The following CLASP1 variants were observed in gnomAD, a reference collection of about 807,000 sequenced individuals.
CLASP1 encodes CLIP-associating protein 1.
Under a neutral mutation model 192.3 loss-of-function variants are expected in CLASP1, and 38 were observed. That is an observed-to-expected ratio of 0.20 (90% CI 0.15 to 0.26). The LOEUF (loss-of-function observed/expected upper bound fraction) is 0.26, where lower values mean the gene tolerates loss of function less well. CLASP1 is among the 10% of genes least tolerant of loss of function. The pLI is 1.00. For missense variants in CLASP1, 1,433 were observed against 1,932.5 expected (o/e 0.74, Z 4.85); for synonymous variants, 691 against 712.8 (o/e 0.97, Z 0.49).
At chr2:121,595,502 T>C (rs1292994953) in intron 2 of CLASP1, among the ~76,000 whole-genome samples, 3 of 152,270 alleles carry the variant, frequency 2.0e-5, no homozygotes, top group African/African-American at 7.2e-5. Flanking sequence ...TTCTGTTGCA[T>C]GTATCCTTAT....
Position 121,435,570 on chromosome 2 carries a change from G to A in CLASP1, c.1913-5393C>T, listed in dbSNP as rs554861943. Among the ~76,000 whole-genome samples the A allele has an allele frequency of 2.6e-5, 4 of 152,186 alleles. No individual in the cohort carries two copies. In the East Asian group the frequency reaches 5.8e-4, roughly 22 times the overall value. ...ATTACAGGCGTGAGCCACCATGCCC[G>A]CCCTATTTTTACCTTTTTATATGCA... On this transcript the variant is annotated intron_variant, in intron 19 of 39. Transcript: ENST00000263710.
intron 2 of CLASP1, among the ~76,000 whole-genome samples, chr2:121,593,147 C>T (rs1427725841): frequency 6.6e-6 from 1 of 152,166 alleles, no homozygotes. Flanking sequence ...TCGTGTGCCT[C>T]CCGATGTGAG....
intron 9 of CLASP1, among the ~76,000 whole-genome samples, chr2:121,468,885 C>G (rs1376623478): frequency 6.6e-6 from 1 of 152,134 alleles, no homozygotes. Flanking sequence ...TAGTTCTGAG[C>G]CCTTGCTGGA....
chr2:121,531,031 T>A lies in CLASP1; in HGVS notation c.196-706A>T, dbSNP rs532435169. 3.4e-5 allele frequency: 24 copies of A among 699,970 alleles called. No individual in the cohort carries two copies. In the Middle Eastern group the frequency reaches 3.6e-3, roughly 106 times the overall value. 43.4% of individuals were successfully genotyped at this position (699,970 alleles called of 1,614,324 possible). A position where few individuals can be genotyped will look rare whatever the true frequency, so the allele number is the denominator to read the frequency against. On this transcript the variant is annotated intron_variant, in intron 2 of 39. Transcript: ENST00000263710. ...AAATGAAAACCTGTTTTCATAGACT[T>A]ATCAGTTCAAACAGCAGTAATTCGT...
At chr2:121,482,647 C>T (rs563910309) in intron 8 of CLASP1, among the ~76,000 whole-genome samples, 1 of 152,266 alleles carries the variant, frequency 6.6e-6, no homozygotes, top group South Asian at 2.1e-4. Context: ...TGGGGATAAA[C>T]TATCCTTCCT....
intron 39 of CLASP1, among the ~76,000 whole-genome samples, chr2:121,344,286 C>T (rs1157323499): frequency 6.6e-6 from 1 of 151,992 alleles, no homozygotes; most frequent in Admixed American, 6.6e-5. Flanking sequence ...CAGACCTCTT[C>T]GTACAGAAGA....
chr2:121,454,183 C>T (rs1174913376), intron 14 of CLASP1, among the ~76,000 whole-genome samples: 1 of 134,776 alleles, frequency 7.4e-6, no homozygotes, highest in East Asian at 2.6e-4. Context: ...ATGCTGAAGT[C>T]CTTACTCTCA....
chr2:121,346,787 C>T (rs914431285), intron 39 of CLASP1, among the ~76,000 whole-genome samples: 2 of 152,222 alleles, frequency 1.3e-5, no homozygotes, highest in Admixed American at 1.3e-4. Context: ...TGGAAATAAA[C>T]CAGCAGCTCA....
intron 2 of CLASP1, among the ~76,000 whole-genome samples, chr2:121,574,634 C>G (rs186269052): frequency 2.5e-5 from 2 of 79,030 alleles, no homozygotes; most frequent in African/African-American, 4.3e-5. Context: ...GACTCCATAT[C>G]AAAAAAAAAA....
intron 24 of CLASP1, among the ~76,000 whole-genome samples, chr2:121,408,700 A>G (rs1004481584): frequency 6.6e-6 from 1 of 152,236 alleles, no homozygotes; most frequent in Non-Finnish European, 1.5e-5. Context: ...GATTCCTAAA[A>G]TAAGAAAAAT....
At chr2:121,559,653 A>G (rs2058902668) in intron 2 of CLASP1, among the ~76,000 whole-genome samples, 1 of 152,136 alleles carries the variant, frequency 6.6e-6, no homozygotes, top group South Asian at 2.1e-4. Context: ...AAATCCAAAG[A>G]CAGCAAGTTG....
Position 121,569,552 on chromosome 2 carries a change from ATG to A in CLASP1, c.195+36147_195+36148del, listed in dbSNP as rs537385794. ...GACAAGTGATAGAACCCAATTTATG[ATG>A]TTAAAAGATTTCTTACGGCCGGACG... On this transcript the variant is annotated intron_variant, in intron 2 of 39. Coordinates refer to ENST00000263710, the Ensembl canonical transcript of CLASP1. Among the ~76,000 whole-genome samples the A allele has an allele frequency of 1.5e-4, 23 of 152,304 alleles. No homozygotes were observed. In the South Asian group the frequency reaches 4.8e-3, roughly 32 times the overall value.
At chr2:121,629,605 AC>A (rs1277482086) in intron 1 of CLASP1, among the ~76,000 whole-genome samples, 1 of 151,690 alleles carries the variant, frequency 6.6e-6, no homozygotes, top group Non-Finnish European at 1.5e-5. Flanking sequence ...AGCCTGGCCA[AC>A]ATGGTGAAAC....
At chr2:121,407,546 G>A in exon 25 of CLASP1, 4 of 1,613,976 alleles carry the variant, frequency 2.5e-6, no homozygotes, top group Non-Finnish European at 3.4e-6. Flanking sequence ...GTTTGAACTA[G>A]CACAGTGGTT....
chr2:121,646,326 G>C (rs2106376815), intron 1 of CLASP1, among the ~76,000 whole-genome samples: 1 of 152,242 alleles, frequency 6.6e-6, no homozygotes, highest in Non-Finnish European at 1.5e-5. Context: ...TGTTGCCCAG[G>C]TTGGTCTCAA....
chr2:121,542,730 A>C (rs1220982779), intron 2 of CLASP1, among the ~76,000 whole-genome samples: 1 of 152,224 alleles, frequency 6.6e-6, no homozygotes, highest in Non-Finnish European at 1.5e-5. Context: ...ACGTTAATTA[A>C]TATTGGATTA....
intron 2 of CLASP1, among the ~76,000 whole-genome samples, chr2:121,583,571 C>T (rs1267316247): frequency 1.3e-5 from 2 of 152,230 alleles, no homozygotes; most frequent in African/African-American, 4.8e-5. Flanking sequence ...GCAAAGCAAA[C>T]ATTTCTAATT....
chr2:121,637,254 G>A (rs940881785), intron 1 of CLASP1, among the ~76,000 whole-genome samples: 1 of 152,106 alleles, frequency 6.6e-6, no homozygotes, highest in Non-Finnish European at 1.5e-5. Flanking sequence ...TTTGAGGGAA[G>A]AAAATAAGGA....
At chr2:121,520,702 CAA>C (rs1575621237) in intron 6 of CLASP1, among the ~76,000 whole-genome samples, 1 of 152,224 alleles carries the variant, frequency 6.6e-6, no homozygotes, top group Non-Finnish European at 1.5e-5. Flanking sequence ...AAGATGAAAT[CAA>C]AAGTCTTCAG....
Sources: allele counts gnomAD v4.1 joint callset (sites outside exome capture counted in the v4.1 genomes callset), GRCh38; gene constraint gnomAD v4.1.1; transcripts MANE v1.5; gene names NCBI Gene and HGNC (gene_info 2026-07-23, HGNC 2026-07-21).